Variants in SGCD observed in about 807,000 individuals in gnomAD.
SGCD encodes delta-sarcoglycan.
Under a neutral mutation model 36.6 loss-of-function variants are expected in SGCD, and 18 were observed. The ratio of observed to expected loss-of-function variants is 0.49; its 90% CI spans 0.34 to 0.73. SGCD has a LOEUF of 0.73. Ranked by LOEUF, SGCD falls within the 30% of genes least tolerant of loss-of-function variation. The probability of loss-of-function intolerance (pLI) is 0.01; values close to 1 mark genes in which losing one functional copy is unlikely to be tolerated. For synonymous variants in SGCD, 133 were observed against 130.6 expected, an observed-to-expected ratio of 1.02 and a Z score of -0.12; for missense variants, 387 against 346.7, an observed-to-expected ratio of 1.12 and a Z score of -0.92.
chr5:156,171,334 C>T (rs994500026), intron 3 of SGCD, among the ~76,000 whole-genome samples: 1 of 152,146 alleles, frequency 6.6e-6, no homozygotes, highest in African/African-American at 2.4e-5. Context: ...CTACATTAGT[C>T]CTACTTGGAT....
chr5:156,092,041 A>G (rs976170899), intron 1 of SGCD, among the ~76,000 whole-genome samples: 1 of 152,206 alleles, frequency 6.6e-6, no homozygotes, highest in African/African-American at 2.4e-5. Flanking sequence ...GGGTCCAGCA[A>G]TCCCAACACT....
intron 3 of SGCD, among the ~76,000 whole-genome samples, chr5:156,133,914 AAC>A (rs70981997): frequency 0.33 from 46,155 of 139,886 alleles, 7,561 homozygotes; most frequent in East Asian, 0.53. Context: ...GCCGGGTTAA[AAC>A]ACACACACAC....
rs891910 is a variant in SGCD, at chr5:155,937,851, C to T, written c.-282+67427C>T. On this transcript the variant is annotated intron_variant, in intron 1 of 9. Transcript: ENST00000517913. ...CATTGGGGTGTTCAGGGGAGGATTC[C>T]CTGAGGAAGTAGCATTTCACTGCTG... Among the ~76,000 whole-genome samples, 459 of 152,206 alleles carry T rather than the reference C, an allele frequency of 3.0e-3. 1 individual carries two copies. Among genetic ancestry groups the T allele is most frequent in the African/African-American group, 0.011 (443 of 41,518 alleles).
chr5:156,303,635 A>T (rs1767118526), intron 3 of SGCD, among the ~76,000 whole-genome samples: 1 of 151,230 alleles, frequency 6.6e-6, no homozygotes. Flanking sequence ...TTAGCCACTG[A>T]GGTTCATTCA....
At chr5:156,439,115 T>A (rs1408204631) in intron 3 of SGCD, among the ~76,000 whole-genome samples, 1 of 152,146 alleles carries the variant, frequency 6.6e-6, no homozygotes, top group Non-Finnish European at 1.5e-5. Context: ...CTAACCTTGA[T>A]AGAGACGTGA....
intron 1 of SGCD, among the ~76,000 whole-genome samples, chr5:156,009,876 T>C (rs1251739295): frequency 6.6e-6 from 1 of 152,048 alleles, no homozygotes; most frequent in Admixed American, 6.6e-5. Context: ...GAAATGCGCA[T>C]CCTCAGGCTT....
chr5:156,650,795 A>C (rs933046089), intron 7 of SGCD, among the ~76,000 whole-genome samples: 1 of 152,162 alleles, frequency 6.6e-6, no homozygotes, highest in South Asian at 2.1e-4. Context: ...ATGAATATAC[A>C]AGTGCCTATG....
intron 6 of SGCD, among the ~76,000 whole-genome samples, chr5:156,638,144 A>G (rs1280981513): frequency 6.6e-6 from 1 of 150,532 alleles, no homozygotes; most frequent in Non-Finnish European, 1.5e-5. Context: ...TTTTTATTTT[A>G]CATCTCACTG....
chr5:156,348,828 A>G (rs1313348636), intron 3 of SGCD, among the ~76,000 whole-genome samples: 3 of 152,210 alleles, frequency 2.0e-5, no homozygotes, highest in Non-Finnish European at 2.9e-5. Context: ...ATCTGAAGGC[A>G]TCACATTACC....
intron 3 of SGCD, among the ~76,000 whole-genome samples, chr5:156,231,984 A>G (rs1025520149): frequency 6.6e-6 from 1 of 152,216 alleles, no homozygotes; most frequent in African/African-American, 2.4e-5. Flanking sequence ...ATTGATCCTC[A>G]GAGGCAGTAT....
At chr5:156,356,106 TAATG>T (rs1322333868) in intron 3 of SGCD, among the ~76,000 whole-genome samples, 1 of 152,250 alleles carries the variant, frequency 6.6e-6, no homozygotes, top group Non-Finnish European at 1.5e-5. Flanking sequence ...TTTAATTACT[TAATG>T]AATAATTGGT....
chr5:156,408,993 T>C (rs1354463768), intron 3 of SGCD, among the ~76,000 whole-genome samples: 1 of 152,130 alleles, frequency 6.6e-6, no homozygotes, highest in Non-Finnish European at 1.5e-5. Flanking sequence ...GCTTATATTC[T>C]CCTGGAAGTA....
chr5:156,498,478 A>G (rs959623629), intron 3 of SGCD, among the ~76,000 whole-genome samples: 4 of 152,136 alleles, frequency 2.6e-5, no homozygotes, highest in African/African-American at 9.7e-5. Context: ...TTCTGTCTCT[A>G]TAGATTTTCA....
chr5:155,778,477 C>G, the SGCD span, among the ~76,000 whole-genome samples: 2 of 152,278 alleles, frequency 1.3e-5, no homozygotes, highest in Admixed American at 6.5e-5. Context: ...TTTGTCCCCC[C>G]ATACAGCAGT....
At chr5:156,592,876 T>C (rs1760778281) in intron 5 of SGCD, among the ~76,000 whole-genome samples, 1 of 152,122 alleles carries the variant, frequency 6.6e-6, no homozygotes, top group African/African-American at 2.4e-5. Flanking sequence ...AGGGATGAGG[T>C]CTGCTTAATA....
chr5:156,433,811 C>G (rs1175892316), intron 3 of SGCD, among the ~76,000 whole-genome samples: 1 of 152,086 alleles, frequency 6.6e-6, no homozygotes, highest in African/African-American at 2.4e-5. Flanking sequence ...GTTTCAGGCC[C>G]CATTTTTCTT....
the SGCD span, among the ~76,000 whole-genome samples, chr5:155,833,068 A>AAAAAAAAAAAAAAAAG: frequency 1.4e-5 from 2 of 142,642 alleles, no homozygotes. Flanking sequence ...AAAAAAAAAA[A>AAAAAAAAAAAAAAAAG]AAAGAAAAAA....
chr5:156,217,883 C>A (rs1258329723), intron 3 of SGCD, among the ~76,000 whole-genome samples: 2 of 151,906 alleles, frequency 1.3e-5, no homozygotes, highest in Non-Finnish European at 2.9e-5. Context: ...CTAGTTTATT[C>A]TTTCATTATA....
chr5:155,919,463 T>C (rs1756826420), intron 1 of SGCD, among the ~76,000 whole-genome samples: 1 of 152,194 alleles, frequency 6.6e-6, no homozygotes, highest in Admixed American at 6.5e-5. Flanking sequence ...TACTTATTCC[T>C]CCTTAATTAT....
Sources: gnomAD v4.1 joint callset for allele counts (sites outside exome capture counted in the v4.1 genomes callset) on GRCh38, gnomAD v4.1.1 for gene constraint, MANE v1.5 for transcripts, NCBI Gene and HGNC (gene_info 2026-07-23, HGNC 2026-07-21) for gene names.